The following KIAA0408 variants were observed in gnomAD, a reference collection of about 807,000 sequenced individuals.
The protein encoded by KIAA0408 is uncharacterized protein KIAA0408.
In KIAA0408, 51 loss-of-function variants were observed where a neutral mutation model predicts 60.9. The observed-to-expected ratio is 0.84, with a 90% confidence interval of 0.67 to 1.06. KIAA0408 has a LOEUF of 1.06. Among genes scored for constraint, KIAA0408 ranks in the 50% least tolerant of loss-of-function variants. The pLI is 0.00. For synonymous variants in KIAA0408, 304 were observed against 282.4 expected (o/e 1.08, Z -0.77); for missense variants, 787 against 833.9 (o/e 0.94, Z 0.69).
intron 2 of KIAA0408, 46 bp from the exon 3 acceptor site, chr6:127,450,398 C>T (rs1237353796): frequency 6.6e-7 from 1 of 1,523,560 alleles, no homozygotes; most frequent in Non-Finnish European, 8.7e-7. Context: ...TCCCCTAATT[C>T]ACTTTGCTAA....
chr6:127,448,394 A>T (rs1218464782), intron 4 of KIAA0408, among the ~76,000 whole-genome samples: 1 of 152,168 alleles, frequency 6.6e-6, no homozygotes, highest in East Asian at 1.9e-4. Flanking sequence ...CAGAGTGGGG[A>T]GGATAATGAA....
chr6:127,444,923 TCTTC>T lies in KIAA0408; in HGVS notation c.1912-645_1912-642del, dbSNP rs552882178. Among the ~76,000 whole-genome samples, 323 of 151,970 alleles carry T rather than the reference TCTTC, an allele frequency of 2.1e-3. 2 individuals are homozygous for T. The highest frequency in any genetic ancestry group is 7.0e-3 in the African/African-American group (291 of 41,578). On this transcript the variant is annotated intron_variant, in intron 5 of 5. Coordinates refer to ENST00000483725, the MANE Select transcript of KIAA0408 (RefSeq NM_014702.5). The stretch of plus-strand genomic sequence containing the variant: ...CACTTTTCTTCTCTTTCTTTTATTT[TCTTC>T]CTTCTTTCCTTTTATTTTAATGGAA...
At chr6:127,444,368 T>C (rs978922492) in intron 5 of KIAA0408, 86 bp from the exon 6 acceptor site, 47 of 1,008,898 alleles carry the variant, frequency 4.7e-5, no homozygotes, top group Non-Finnish European at 6.1e-5. Flanking sequence ...ATAAGATTAG[T>C]CCGTTAGTAA....
At chr6:127,453,063 G>A (rs1400494072) in intron 2 of KIAA0408, among the ~76,000 whole-genome samples, 1 of 152,068 alleles carries the variant, frequency 6.6e-6, no homozygotes, top group Admixed American at 6.6e-5. Flanking sequence ...AAAAGGCCAA[G>A]AAGTCTTAAA....
Position 127,443,882 on chromosome 6 carries a change from T to TTA in KIAA0408, c.*225_*226dup, listed in dbSNP as rs1472042694. 2.8e-5 allele frequency: 14 copies of TTA among 505,456 alleles called. No individual in the cohort carries two copies. Among genetic ancestry groups the TTA allele is most frequent in the Non-Finnish European group, 4.2e-5 (12 of 284,170 alleles). 31.3% of individuals were successfully genotyped at this position (505,456 alleles called of 1,614,324 possible). On this transcript the variant is annotated 3_prime_UTR_variant, in exon 6 of 6. Transcript: ENST00000483725. ...ATACAATATTGTACATTGTTTCAACTTATATTGTATTGGAAAACTAATGAG... is the reference window on the plus strand; with the variant it reads ...ATACAATATTGTACATTGTTTCAACTTATATATTGTATTGGAAAACTAATGAG...
chr6:127,440,167 C>T lies in KIAA0408; in HGVS notation c.*3942G>A, dbSNP rs1336613629. 3 of 151,990 alleles carry T rather than the reference C, an allele frequency of 2.0e-5. No homozygotes were observed. The highest frequency in any genetic ancestry group is 4.4e-5 in the Non-Finnish European group (3 of 68,000). The allele number at this position is 151,990 out of a possible 1,614,324, so 9.4% of individuals were successfully genotyped here. A position where few individuals can be genotyped will look rare whatever the true frequency, so the allele number is the denominator to read the frequency against. On this transcript the variant is annotated 3_prime_UTR_variant, in exon 6 of 6. Transcript: ENST00000483725. ...TCCCAATAAAACAAAAAATTATTTT[C>T]TATGATGAATATGCATACAATAAAA...
chr6:127,453,056 A>C (rs1001403133), intron 2 of KIAA0408, among the ~76,000 whole-genome samples: 2 of 152,156 alleles, frequency 1.3e-5, no homozygotes, highest in African/African-American at 4.8e-5. Context: ...CCTGCAAAAA[A>C]GGCCAAGAAG....
In KIAA0408 at chr6:127,440,195, G is replaced by A. The variant is rs1184100781; in HGVS notation, c.*3914C>T. ...TGATGAATATGCATACAATAAAAAT[G>A]ACGAGAAATCATTTTTGGTACTTGT... On this transcript the variant is annotated 3_prime_UTR_variant, in exon 6 of 6. Transcript: ENST00000483725. The A allele has an allele frequency of 6.6e-6, 1 of 152,048 alleles. No individual in the cohort carries two copies. Among genetic ancestry groups the A allele is most frequent in the Non-Finnish European group, 1.5e-5 (1 of 67,998 alleles). The allele number at this position is 152,048 out of a possible 1,614,324, so 9.4% of individuals were successfully genotyped here. A position where few individuals can be genotyped will look rare whatever the true frequency, so the allele number is the denominator to read the frequency against.
chr6:127,451,822 GA>G (rs1185426795), intron 2 of KIAA0408, among the ~76,000 whole-genome samples: 3 of 152,016 alleles, frequency 2.0e-5, no homozygotes, highest in Non-Finnish European at 4.4e-5. Context: ...GGTGAGGTAT[GA>G]ATCAACAAAT....
chr6:127,458,907 AAC>A (rs1329536356), intron 1 of KIAA0408, among the ~76,000 whole-genome samples: 1 of 152,202 alleles, frequency 6.6e-6, no homozygotes, highest in Non-Finnish European at 1.5e-5. Flanking sequence ...GTGTTGGAAA[AAC>A]AGTCTCAAAG....
rs1353557030 is a variant in KIAA0408, at chr6:127,447,553, T to C, written c.766A>G (p.Thr256Ala). 1 of 1,611,324 alleles carries C rather than the reference T, an allele frequency of 6.2e-7. No individual in the cohort carries two copies. Among genetic ancestry groups the C allele is most frequent in the Admixed American group, 1.7e-5 (1 of 59,374 alleles). ...GTTTCATTTCTTTTTAAATCGATTG[T>C]ATCAATTCCACATTTTTTCGTAGAA... is the stretch of plus-strand genomic sequence containing the variant. ...SNSTKKCGID[T>A]IDLKRNETPP... Residue 256 changes from threonine to alanine, a missense_variant, in exon 5 of 6, where the codon ACA becomes GCA. By Grantham distance (58) the Thr-to-Ala change is moderately conservative. Coordinates refer to ENST00000483725, the MANE Select transcript of KIAA0408 (RefSeq NM_014702.5).
intron 2 of KIAA0408, chr6:127,451,076 C>G (rs1773294786): frequency 3.4e-6 from 1 of 296,044 alleles, no homozygotes; most frequent in Admixed American, 4.7e-5. Flanking sequence ...GTTGAACCTG[C>G]ACACACTCAT....
rs9375513 is a variant in KIAA0408 at position 127,454,021 on chromosome 6, T to C, written c.-40A>G. ...TGTCAGCAAAGAAGTGTTTCTGCTC[T>C]TCTCTGCCTCCTCTTAACTGTTTCT... On this transcript the variant is annotated 5_prime_UTR_variant, in exon 2 of 6. Transcript: ENST00000483725. 156,995 of 1,583,174 alleles carry C rather than the reference T, an allele frequency of 0.099. 17,491 individuals carry two copies. Among genetic ancestry groups the C allele is most frequent in the East Asian group, 0.65 (28,633 of 43,860 alleles).
rs1773229397 is a variant in KIAA0408 at position 127,447,720 on chromosome 6, A to T, written c.599T>A (p.Leu200His). 1 of 1,556,134 alleles carries T rather than the reference A, an allele frequency of 6.4e-7. No individual in the cohort carries two copies. The highest frequency in any genetic ancestry group is 8.6e-7 in the Non-Finnish European group (1 of 1,157,506). ...ATTAGTTACATTTGGCATTTCCTGGAGAAAAGAATCTGACTTCATCCTAAA... is the reference window on the plus strand; with the variant it reads ...ATTAGTTACATTTGGCATTTCCTGGTGAAAAGAATCTGACTTCATCCTAAA... ...NHRRMKSDSFLQEMPNVTNIP... is the reference protein window; with the variant it reads ...NHRRMKSDSFHQEMPNVTNIP... Residue 200 changes from leucine to histidine, a missense_variant, in exon 5 of 6, where the codon CTC becomes CAC. Transcript: ENST00000483725.
intron 4 of KIAA0408, among the ~76,000 whole-genome samples, chr6:127,448,361 T>TTGGA (rs1773241257): frequency 6.6e-6 from 1 of 152,138 alleles, no homozygotes; most frequent in South Asian, 2.1e-4. Context: ...AAATGAGTAC[T>TTGGA]TTGATATGGA....
At chr6:127,451,664 C>G (rs1283754050) in intron 2 of KIAA0408, among the ~76,000 whole-genome samples, 1 of 152,060 alleles carries the variant, frequency 6.6e-6, no homozygotes, top group Non-Finnish European at 1.5e-5. Context: ...GGTATATGCA[C>G]CTGATAATTT....
Position 127,446,890 on chromosome 6 carries a change from T to C in KIAA0408, c.1429A>G (p.Thr477Ala). ...KSSEDLKPCD[T>A]SSTHTGSISQ... ...ATGCTACCTGTGTGAGTAGATGAGG[T>C]ATCACAGGGCTTGAGATCCTCCGAT... The change falls in exon 5 of 6, where the codon ACC becomes GCC. Residue 477 changes from threonine to alanine, a missense_variant. Transcript: ENST00000483725. The C allele has an allele frequency of 1.2e-6, 2 of 1,614,064 alleles. No homozygotes were observed. The highest frequency in any genetic ancestry group is 8.5e-7 in the Non-Finnish European group (1 of 1,179,990).
In KIAA0408 at chr6:127,442,255, G is replaced by A. The variant is rs990745717; in HGVS notation, c.*1854C>T. On this transcript the variant is annotated 3_prime_UTR_variant, in exon 6 of 6. Transcript: ENST00000483725. Reference sequence around the variant, plus strand: ...ATACCAGACTACTTGGGATACACTGGTGGAGAGGAACAGATAGGTTGCACA... The same window carrying A: ...ATACCAGACTACTTGGGATACACTGATGGAGAGGAACAGATAGGTTGCACA... 1 of 152,222 alleles carries A rather than the reference G, an allele frequency of 6.6e-6. No homozygotes were observed. The highest frequency in any genetic ancestry group is 2.4e-5 in the African/African-American group (1 of 41,456). 9.4% of individuals were successfully genotyped at this position (152,222 alleles called of 1,614,324 possible). A position where few individuals can be genotyped will look rare whatever the true frequency, so the allele number is the denominator to read the frequency against.
At position 127,444,397 on chromosome 6, in the gene KIAA0408, G is replaced by A. The variant is rs1423074534; in HGVS notation, c.1912-115C>T. ...TTAGTAAATTTACAAGAAAGAAAAAGCATTGAAAACTAAAGAAGGTAGTTG... is the reference window on the plus strand; with the variant it reads ...TTAGTAAATTTACAAGAAAGAAAAAACATTGAAAACTAAAGAAGGTAGTTG... On this transcript the variant is annotated intron_variant, in intron 5 of 5. Coordinates refer to ENST00000483725, the MANE Select transcript of KIAA0408 (RefSeq NM_014702.5). 4.7e-6 allele frequency: 4 copies of A among 844,444 alleles called. No homozygotes were observed. The East Asian group carries it at 1.2e-4, about 25-fold the overall frequency. 52.3% of individuals were successfully genotyped at this position (844,444 alleles called of 1,614,324 possible).
Sources: allele counts gnomAD v4.1 joint callset (sites outside exome capture counted in the v4.1 genomes callset), GRCh38; gene constraint gnomAD v4.1.1; transcripts MANE v1.5; gene names NCBI Gene and HGNC (gene_info 2026-07-23, HGNC 2026-07-21).